TSHZ3: variants seen among roughly 807,000 people sequenced by gnomAD.
TSHZ3 encodes the protein teashirt homolog 3.
Under a neutral mutation model 64.5 loss-of-function variants are expected in TSHZ3, and 10 were observed. The ratio of observed to expected loss-of-function variants is 0.16; its 90% CI spans 0.10 to 0.26. The LOEUF (loss-of-function observed/expected upper bound fraction) is 0.26. Among genes scored for constraint, TSHZ3 ranks in the 10% least tolerant of loss-of-function variants. The probability of loss-of-function intolerance (pLI) is 1.00; values close to 1 mark genes in which losing one functional copy is unlikely to be tolerated. For missense variants in TSHZ3, 1,242 were observed against 1,421.7 expected, an observed-to-expected ratio of 0.87 and a Z score of 2.03; for synonymous variants, 608 against 593.1, an observed-to-expected ratio of 1.03 and a Z score of -0.36.
chr19:31,314,102 G>A (rs1185871118), intron 1 of TSHZ3, among the ~76,000 whole-genome samples: 1 of 152,150 alleles, frequency 6.6e-6, no homozygotes, highest in Non-Finnish European at 1.5e-5. Context: ...GAAGATGCTT[G>A]GTGGATGATG....
intron 5 of TSHZ3, among the ~76,000 whole-genome samples, chr19:31,180,115 C>CT (rs1018182997): frequency 7.2e-5 from 11 of 152,128 alleles, no homozygotes; most frequent in Middle Eastern, 3.2e-3. Context: ...CCTTACCCCT[C>CT]TGTGAGCTCC....
exon 3 of TSHZ3, among the ~76,000 whole-genome samples, chr19:31,242,330 C>T (rs1386441776): frequency 6.6e-6 from 1 of 152,180 alleles, no homozygotes; most frequent in Non-Finnish European, 1.5e-5. Flanking sequence ...CCCAGGGATG[C>T]CTGCAGCATG....
intron 5 of TSHZ3, among the ~76,000 whole-genome samples, chr19:31,180,816 C>T (rs919767734): frequency 6.6e-6 from 1 of 152,182 alleles, no homozygotes; most frequent in Non-Finnish European, 1.5e-5. Context: ...TGGGGCCCGG[C>T]CCTTTATCTG....
chr19:31,349,019 T>C, intron 1 of TSHZ3, 161 bp downstream of exon 1: 1 of 862,494 alleles, frequency 1.2e-6, no homozygotes, highest in Non-Finnish European at 1.7e-6. Context: ...GGGCGCCCGG[T>C]ACCCGAGGCG....
At chr19:31,291,406 C>G (rs1976562688) in intron 1 of TSHZ3, among the ~76,000 whole-genome samples, 1 of 152,188 alleles carries the variant, frequency 6.6e-6, no homozygotes, top group Non-Finnish European at 1.5e-5. Flanking sequence ...CCCTCCCTTC[C>G]CAGCACTCTT....
intron 1 of TSHZ3, among the ~76,000 whole-genome samples, chr19:31,246,587 C>T (rs1975760139): frequency 1.3e-5 from 2 of 151,774 alleles, no homozygotes; most frequent in African/African-American, 4.8e-5. Context: ...AGTAAAAACT[C>T]ATGGTTTAAA....
Position 31,349,313 on chromosome 19 carries a change from G to A in TSHZ3, c.-94C>T, listed in dbSNP as rs2021626166. 2 of 1,311,542 alleles carry A rather than the reference G, an allele frequency of 1.5e-6. No homozygotes were observed. Among genetic ancestry groups the A allele is most frequent in the East Asian group, 2.9e-5 (1 of 33,902 alleles). 81.2% of individuals were successfully genotyped at this position (1,311,542 alleles called of 1,614,324 possible). On this transcript the variant is annotated 5_prime_UTR_variant, in exon 1 of 2. Coordinates refer to ENST00000240587, the MANE Select transcript of TSHZ3 (RefSeq NM_020856.4). ...GGCGGCGGGCCCGCGGGGGGGCGAG[G>A]CGGGCCTGCTCTCAGCCTCCCCCCC...
chr19:31,153,562 A>G (rs1432462862), intron 6 of TSHZ3, among the ~76,000 whole-genome samples: 1 of 152,210 alleles, frequency 6.6e-6, no homozygotes, highest in Non-Finnish European at 1.5e-5. Context: ...GGTACTCCAC[A>G]TACCACGTAG....
At chr19:31,304,500 C>T (rs1976806725) in intron 1 of TSHZ3, among the ~76,000 whole-genome samples, 1 of 123,614 alleles carries the variant, frequency 8.1e-6, no homozygotes, top group Non-Finnish European at 1.8e-5. Context: ...GGGACCATAA[C>T]AACAACAACA....
At chr19:31,331,824 G>GT (rs1917104697) in intron 1 of TSHZ3, among the ~76,000 whole-genome samples, 1 of 152,156 alleles carries the variant, frequency 6.6e-6, no homozygotes, top group South Asian at 2.1e-4. Context: ...CTGCACCTTC[G>GT]TAAGGAGGGG....
At chr19:31,299,245 G>T (rs1976715540) in intron 1 of TSHZ3, among the ~76,000 whole-genome samples, 1 of 152,152 alleles carries the variant, frequency 6.6e-6, no homozygotes, top group Non-Finnish European at 1.5e-5. Context: ...GACCGGAAAG[G>T]ACAGTAGGCT....
chr19:31,339,885 TA>T (rs1224299931), intron 1 of TSHZ3, among the ~76,000 whole-genome samples: 2 of 142,142 alleles, frequency 1.4e-5, no homozygotes, highest in Non-Finnish European at 3.0e-5. Context: ...CACCGTGGGT[TA>T]TTTAAAAAAA....
At chr19:31,228,191 A>T (rs1853493734) in intron 3 of TSHZ3, among the ~76,000 whole-genome samples, 1 of 152,126 alleles carries the variant, frequency 6.6e-6, no homozygotes, top group African/African-American at 2.4e-5. Context: ...GAGCTTCAAG[A>T]CATTATTGAA....
intron 1 of TSHZ3, among the ~76,000 whole-genome samples, chr19:31,335,757 GC>G (rs1458540437): frequency 6.6e-6 from 1 of 152,238 alleles, no homozygotes; most frequent in Non-Finnish European, 1.5e-5. Flanking sequence ...CCTGGCAGGT[GC>G]TTTTGCTTAT....
upstream of TSHZ3, among the ~76,000 whole-genome samples, chr19:31,349,993 C>CG (rs1227545902): frequency 6.8e-6 from 1 of 147,116 alleles, no homozygotes; most frequent in Non-Finnish European, 1.5e-5. Flanking sequence ...TGCGCACACG[C>CG]GGGGGCGCGG....
At chr19:31,263,856 C>T (rs923959367) in intron 1 of TSHZ3, among the ~76,000 whole-genome samples, 9 of 152,126 alleles carry the variant, frequency 5.9e-5, no homozygotes, top group Non-Finnish European at 7.3e-5. Flanking sequence ...TAAAATAAAA[C>T]GGATGAGTGA....
At chr19:31,314,689 TTAAC>T (rs1249275631) in intron 1 of TSHZ3, among the ~76,000 whole-genome samples, 1 of 152,260 alleles carries the variant, frequency 6.6e-6, no homozygotes, top group Non-Finnish European at 1.5e-5. Flanking sequence ...ATTACATTAA[TTAAC>T]TTTGTAGCCA....
chr19:31,218,695 G>A (rs1039097013), intron 4 of TSHZ3, among the ~76,000 whole-genome samples: 10 of 152,152 alleles, frequency 6.6e-5, no homozygotes, highest in Non-Finnish European at 1.2e-4. Flanking sequence ...GGTTCATCCA[G>A]ACTATGGAAT....
At chr19:31,293,054 CAAAAATGT>C (rs1976600779) in intron 1 of TSHZ3, among the ~76,000 whole-genome samples, 4 of 148,562 alleles carry the variant, frequency 2.7e-5, no homozygotes, top group South Asian at 2.1e-4. Flanking sequence ...TCCATCCATC[CAAAAATGT>C]ATCCATCCAT....
Sources: allele counts gnomAD v4.1 joint callset (sites outside exome capture counted in the v4.1 genomes callset), GRCh38; gene constraint gnomAD v4.1.1; transcripts MANE v1.5; gene names NCBI Gene and HGNC (gene_info 2026-07-23, HGNC 2026-07-21).